The following ZMYND12 variants were observed in gnomAD, a reference collection of about 807,000 sequenced individuals.
ZMYND12 encodes the protein zinc finger MYND domain-containing protein 12.
In ZMYND12, 32 loss-of-function variants were observed where a neutral mutation model predicts 41.7. That is an observed-to-expected ratio of 0.77 (90% CI 0.58 to 1.03). The LOEUF is 1.03. ZMYND12 is among the 50% of genes least tolerant of loss of function. The probability of loss-of-function intolerance (pLI) is 0.00; values close to 1 mark genes in which losing one functional copy is unlikely to be tolerated. For missense variants in ZMYND12, 424 were observed against 438.5 expected, an observed-to-expected ratio of 0.97 and a Z score of 0.30; for synonymous variants, 148 against 164.8, an observed-to-expected ratio of 0.90 and a Z score of 0.78.
chr1:42,455,684 A>G lies in ZMYND12; in HGVS notation c.110+204T>C, dbSNP rs922877302. Among the ~76,000 whole-genome samples, 4 of 152,262 alleles carry G rather than the reference A, an allele frequency of 2.6e-5. No individual in the cohort carries two copies. In the East Asian group the frequency reaches 7.7e-4, roughly 29 times the overall value. On this transcript the variant is annotated intron_variant, in intron 1 of 7. Transcript: ENST00000372565. ...CCTAAAATAGTGCATAACACAGAGT[A>G]CGCCTTCAGAAAACATGAGTGACGA...
chr1:42,447,616 G>A (rs963022384), intron 3 of ZMYND12, among the ~76,000 whole-genome samples: 1 of 152,178 alleles, frequency 6.6e-6, no homozygotes, highest in South Asian at 2.1e-4. Flanking sequence ...TTACTAAGGG[G>A]ACACTGAAGT....
chr1:42,433,392 C>A (rs1332843586), intron 6 of ZMYND12, 104 bp from the exon 7 acceptor site: 2 of 1,336,814 alleles, frequency 1.5e-6, no homozygotes, highest in East Asian at 2.6e-5. Flanking sequence ...GAAGCCTTCC[C>A]AAGGGCACTG....
intron 1 of ZMYND12, among the ~76,000 whole-genome samples, chr1:42,452,989 GA>G (rs1041957376): frequency 6.6e-6 from 1 of 152,074 alleles, no homozygotes; most frequent in African/African-American, 2.4e-5. Context: ...TTCTTTTGCA[GA>G]AAAAAACTTT....
chr1:42,455,673 T>C (rs187983267), intron 1 of ZMYND12, among the ~76,000 whole-genome samples: 1 of 152,316 alleles, frequency 6.6e-6, no homozygotes, highest in East Asian at 1.9e-4. Context: ...AAATAGTGCA[T>C]AACACAGAGT....
In ZMYND12 at chr1:42,439,944, G is replaced by A; in HGVS notation, c.506C>T (p.Ala169Val). 1 of 1,614,054 alleles carries A rather than the reference G, an allele frequency of 6.2e-7. No individual in the cohort carries two copies. Among genetic ancestry groups the A allele is most frequent in the South Asian group, 1.1e-5 (1 of 91,068 alleles). The change falls in exon 4 of 8, where the codon GCC becomes GTC. Residue 169 changes from alanine to valine, a missense_variant. Ala to Val is a moderately conservative substitution (Grantham distance 64). Transcript: ENST00000372565. ...TVLKSTDCSN[A>V]THSLLHRNLG... ...ATTCCGATGCAGTAAAGAGTGGGTG[G>A]CATTACTACAGTCAGTTGATTTGAG... is the stretch of plus-strand genomic sequence containing the variant.
Position 42,436,400 on chromosome 1 carries a change from C to T in ZMYND12, c.717+21G>A, listed in dbSNP as rs914919047. The T allele has an allele frequency of 6.8e-6, 11 of 1,612,066 alleles. No homozygotes were observed. The Admixed American group carries it at 1.8e-4, about 27-fold the overall frequency. On this transcript the variant is annotated intron_variant, in intron 5 of 7. Coordinates refer to ENST00000372565, the MANE Select transcript of ZMYND12 (RefSeq NM_032257.5). Reference sequence around the variant, plus strand: ...ACCAAGCCTAAGAGTGAAGGCTCAGCTCCCACATTCCCCAGCTCACCTTGG... The same window carrying T: ...ACCAAGCCTAAGAGTGAAGGCTCAGTTCCCACATTCCCCAGCTCACCTTGG...
intron 3 of ZMYND12, among the ~76,000 whole-genome samples, chr1:42,448,031 TGAAAAACTCC>T (rs1413541000): frequency 2.0e-5 from 3 of 152,198 alleles, no homozygotes. Context: ...ACACGTAAAC[TGAAAAACTCC>T]ATCTGACATT....
Position 42,436,583 on chromosome 1 carries a change from T to C in ZMYND12, c.595-40A>G, listed in dbSNP as rs183399138. On this transcript the variant is annotated intron_variant, in intron 4 of 7. Coordinates refer to ENST00000372565, the MANE Select transcript of ZMYND12 (RefSeq NM_032257.5). ...AGAAGGAGAGTGCTTGAGTTCCTTT[T>C]GCAAATCATATATCTGATAAAGGAC... 133 of 1,607,146 alleles carry C rather than the reference T, an allele frequency of 8.3e-5. No individual in the cohort carries two copies. The African/African-American group carries it at 1.7e-3, about 21-fold the overall frequency.
At chr1:42,452,271 G>A (rs1387293833) in intron 1 of ZMYND12, among the ~76,000 whole-genome samples, 1 of 152,066 alleles carries the variant, frequency 6.6e-6, no homozygotes, top group East Asian at 1.9e-4. Context: ...ATGGTGAAGT[G>A]GTATTCAAGA....
rs1642841013 is a variant in ZMYND12 at position 42,430,837 on chromosome 1, C to T, written c.997G>A (p.Ala333Thr). ...SSKAQEYGMR[A>T]LSLAKEQQLD... ...TGTTGTTCTTTGGCTAGACTGAGGG[C>T]CCTCATGCCATATTCCTGTGCCTGA... Residue 333 changes from alanine to threonine, a missense_variant, in exon 8 of 8, where the codon GCC becomes ACC. Coordinates refer to ENST00000372565, the MANE Select transcript of ZMYND12 (RefSeq NM_032257.5). The T allele has an allele frequency of 1.2e-6, 2 of 1,614,030 alleles. No individual in the cohort carries two copies. Among genetic ancestry groups the T allele is most frequent in the South Asian group, 1.1e-5 (1 of 91,076 alleles).
intron 3 of ZMYND12, among the ~76,000 whole-genome samples, chr1:42,444,943 G>T (rs1643007412): frequency 6.6e-6 from 1 of 151,190 alleles, no homozygotes; most frequent in South Asian, 2.1e-4. Flanking sequence ...GAGTAGTTGG[G>T]ACTACAGGCA....
chr1:42,452,847 GAAGGAAATTCACCAAAA>G (rs1488976762), intron 1 of ZMYND12, among the ~76,000 whole-genome samples: 1 of 152,110 alleles, frequency 6.6e-6, no homozygotes, highest in African/African-American at 2.4e-5. Flanking sequence ...TCAGAGAAAA[GAAGGAAATTCACCAAAA>G]TTTCAGGTTA....
At chr1:42,431,374 T>C (rs1187765206) in intron 7 of ZMYND12, among the ~76,000 whole-genome samples, 5 of 151,986 alleles carry the variant, frequency 3.3e-5, no homozygotes, top group African/African-American at 1.2e-4. Flanking sequence ...GAACTTACAG[T>C]GTAGTAGGGG....
chr1:42,433,147 G>A lies in ZMYND12; in HGVS notation c.971C>T (p.Ser324Leu), dbSNP rs1642871406. 6.2e-7 allele frequency: 1 copy of A among 1,606,162 alleles called. No individual in the cohort carries two copies. The highest frequency in any genetic ancestry group is 1.3e-5 in the African/African-American group (1 of 74,492). ...VMFYYLMMNS[S>L]KAQEYGMRAL... ...TGCTTTTTTAGGGAAACTTGCCTTT[G>A]AAGAATTCATCATCAGGTAGTAAAA... is the stretch of plus-strand genomic sequence containing the variant. Residue 324 changes from serine to leucine, a missense_variant, in exon 7 of 8, where the codon TCA becomes TTA. Ser to Leu is a moderately radical substitution (Grantham distance 145). Coordinates refer to ENST00000372565, the MANE Select transcript of ZMYND12 (RefSeq NM_032257.5).
At chr1:42,432,937 A>C in intron 7 of ZMYND12, 2 of 560,970 alleles carry the variant, frequency 3.6e-6, no homozygotes, top group Non-Finnish European at 3.0e-6. Context: ...AAGACTGGGA[A>C]CCCTCGGGGG....
intron 1 of ZMYND12, among the ~76,000 whole-genome samples, chr1:42,450,265 T>C (rs1039100037): frequency 6.6e-6 from 1 of 152,138 alleles, no homozygotes; most frequent in African/African-American, 2.4e-5. Context: ...GATTGGAGAG[T>C]ATGTTGTTTC....
intron 1 of ZMYND12, among the ~76,000 whole-genome samples, chr1:42,454,086 G>A (rs1269083380): frequency 6.6e-6 from 1 of 152,212 alleles, no homozygotes; most frequent in Non-Finnish European, 1.5e-5. Flanking sequence ...AGCCAGGAAG[G>A]CTTGTAGTTG....
chr1:42,448,350 G>T, intron 3 of ZMYND12, 117 bp downstream of exon 3: 2 of 1,228,786 alleles, frequency 1.6e-6, no homozygotes, highest in African/African-American at 1.6e-5. Flanking sequence ...CAGCAACCCT[G>T]CTCCTTCTAC....
Position 42,430,487 on chromosome 1 carries a change from C to T in ZMYND12, c.*249G>A, listed in dbSNP as rs1642836020. On this transcript the variant is annotated 3_prime_UTR_variant, in exon 8 of 8. Transcript: ENST00000372565. ...GTGATCTGACTACATATTACTCAGTCATACAAAGTCATGATAAATCAAGTA... is the reference window on the plus strand; with the variant it reads ...GTGATCTGACTACATATTACTCAGTTATACAAAGTCATGATAAATCAAGTA... 2.3e-6 allele frequency: 1 copy of T among 432,290 alleles called. No homozygotes were observed. Among genetic ancestry groups the T allele is most frequent in the Non-Finnish European group, 4.2e-6 (1 of 237,866 alleles). 26.8% of individuals were successfully genotyped at this position (432,290 alleles called of 1,614,324 possible).
Sources: allele counts gnomAD v4.1 joint callset (sites outside exome capture counted in the v4.1 genomes callset), GRCh38; gene constraint gnomAD v4.1.1; transcripts MANE v1.5; gene names NCBI Gene and HGNC (gene_info 2026-07-23, HGNC 2026-07-21).